Variants in COLGALT2 observed in about 807,000 individuals in gnomAD.
COLGALT2 encodes procollagen galactosyltransferase 2.
Under a neutral mutation model 73.4 loss-of-function variants are expected in COLGALT2, and 49 were observed. The observed-to-expected ratio is 0.67, with a 90% CI of 0.53 to 0.85. The LOEUF is 0.85. COLGALT2 is among the 40% of genes least tolerant of loss of function. COLGALT2 has a pLI of 0.00. For synonymous variants in COLGALT2, 295 were observed against 307.6 expected, an observed-to-expected ratio of 0.96 and a Z score of 0.43; for missense variants, 722 against 790.2, an observed-to-expected ratio of 0.91 and a Z score of 1.03.
At position 183,938,158 on chromosome 1, in the gene COLGALT2, G is replaced by T; in HGVS notation, c.*603C>A. The T allele has an allele frequency of 1.0e-6, 1 of 985,430 alleles. No individual in the cohort carries two copies. Among genetic ancestry groups the T allele is most frequent in the Non-Finnish European group, 1.2e-6 (1 of 830,454 alleles). The allele number at this position is 985,430 out of a possible 1,614,324, so 61.0% of individuals were successfully genotyped here. A position where few individuals can be genotyped will look rare whatever the true frequency, so the allele number is the denominator to read the frequency against. Reference sequence around the variant, plus strand: ...ATGGTCACAGGCCAAGTCTCAGTCGGACCCAAATACCCACCCCTACTGGAT... The same window carrying T: ...ATGGTCACAGGCCAAGTCTCAGTCGTACCCAAATACCCACCCCTACTGGAT... On this transcript the variant is annotated 3_prime_UTR_variant, in exon 12 of 12. Transcript: ENST00000361927.
At position 184,026,001 on chromosome 1, in the gene COLGALT2, T is replaced by G. The variant is rs569946952; in HGVS notation, c.263+11094A>C. Among the ~76,000 whole-genome samples, 17 of 152,330 alleles carry G rather than the reference T, an allele frequency of 1.1e-4. No homozygotes were observed. In the South Asian group the frequency reaches 3.5e-3, roughly 32 times the overall value. ...TGGGAAGTTTTCAAAATACGTCAAT[T>G]GCCCTGGATCATCAAATGATTCCAA... On this transcript the variant is annotated intron_variant, in intron 1 of 11. Transcript: ENST00000361927.
In COLGALT2 at chr1:184,037,526, G is replaced by A; in HGVS notation, c.-169C>T. ...CTGGCCTCGGCGGCTGCGGTTCCCA[G>A]GACCCTCCCGCCGCCGCTGCACCGC... On this transcript the variant is annotated 5_prime_UTR_variant, in exon 1 of 12. Coordinates refer to ENST00000361927, the MANE Select transcript of COLGALT2 (RefSeq NM_015101.4). 1 of 1,144,246 alleles carries A rather than the reference G, an allele frequency of 8.7e-7. No individual in the cohort carries two copies. The highest frequency in any genetic ancestry group is 1.6e-5 in the African/African-American group (1 of 61,358). The allele number at this position is 1,144,246 out of a possible 1,614,324, so 70.9% of individuals were successfully genotyped here.
In COLGALT2 at chr1:183,937,379, T is replaced by C; in HGVS notation, c.*1382A>G. Reference sequence around the variant, plus strand: ...TATACTAGGATGACAGATTGTGGAGTGGGAAGAAATCGTGTAGTCCAACTC... The same window carrying C: ...TATACTAGGATGACAGATTGTGGAGCGGGAAGAAATCGTGTAGTCCAACTC... On this transcript the variant is annotated 3_prime_UTR_variant, in exon 12 of 12. Transcript: ENST00000361927. 4.0e-6 allele frequency: 4 copies of C among 1,000,566 alleles called. No individual in the cohort carries two copies. Among genetic ancestry groups the C allele is most frequent in the Non-Finnish European group, 4.8e-6 (4 of 840,366 alleles). The allele number at this position is 1,000,566 out of a possible 1,614,324, so 62.0% of individuals were successfully genotyped here.
intron 1 of COLGALT2, among the ~76,000 whole-genome samples, chr1:184,004,248 G>T (rs1426228649): frequency 6.6e-6 from 1 of 152,088 alleles, no homozygotes; most frequent in Non-Finnish European, 1.5e-5. Context: ...CCTAACCATG[G>T]CAAGGTGCAA....
chr1:184,008,241 C>T (rs984789378), intron 1 of COLGALT2, among the ~76,000 whole-genome samples: 3 of 151,836 alleles, frequency 2.0e-5, no homozygotes, highest in African/African-American at 4.8e-5. Flanking sequence ...AAATGACAGG[C>T]CTGTATTTTT....
chr1:183,960,336 A>T (rs1466580735), intron 6 of COLGALT2, among the ~76,000 whole-genome samples: 1 of 151,698 alleles, frequency 6.6e-6, no homozygotes, highest in East Asian at 1.9e-4. Flanking sequence ...TCACCATACC[A>T]CTCTTCTTGT....
intron 1 of COLGALT2, among the ~76,000 whole-genome samples, chr1:184,004,871 C>G (rs528776890): frequency 6.6e-6 from 1 of 152,274 alleles, no homozygotes; most frequent in Non-Finnish European, 1.5e-5. Flanking sequence ...ACAGAGAGAT[C>G]CTTCCCTCGA....
intron 4 of COLGALT2, among the ~76,000 whole-genome samples, chr1:183,970,552 G>A (rs1457296915): frequency 2.0e-5 from 3 of 152,164 alleles, no homozygotes; most frequent in Admixed American, 2.0e-4. Context: ...TCCTAGCTGA[G>A]CTAACCCTAA....
chr1:183,950,596 G>A (rs1416422415), intron 8 of COLGALT2, among the ~76,000 whole-genome samples: 3 of 152,036 alleles, frequency 2.0e-5, no homozygotes, highest in Non-Finnish European at 4.4e-5. Context: ...CATGCAACAG[G>A]AAATGTACAC....
intron 5 of COLGALT2, among the ~76,000 whole-genome samples, chr1:183,965,881 G>T (rs1347295250): frequency 6.6e-6 from 1 of 152,208 alleles, no homozygotes; most frequent in Non-Finnish European, 1.5e-5. Flanking sequence ...CCATCAATCT[G>T]TTTGAAATTA....
chr1:183,939,857 C>T (rs1339905741), intron 11 of COLGALT2, among the ~76,000 whole-genome samples: 2 of 152,192 alleles, frequency 1.3e-5, no homozygotes, highest in Non-Finnish European at 2.9e-5. Context: ...GATTTAGGAG[C>T]TGCTGTTATG....
chr1:184,001,710 C>G (rs1003953730), intron 1 of COLGALT2, among the ~76,000 whole-genome samples: 3 of 152,168 alleles, frequency 2.0e-5, no homozygotes, highest in Non-Finnish European at 4.4e-5. Flanking sequence ...TCGTGTCACA[C>G]CAAGTTAATT....
chr1:183,968,483 G>A (rs773974607), intron 5 of COLGALT2, among the ~76,000 whole-genome samples: 1 of 152,124 alleles, frequency 6.6e-6, no homozygotes, highest in Non-Finnish European at 1.5e-5. Context: ...CCTTCCACAG[G>A]GACTGAGGCT....
downstream of COLGALT2, among the ~76,000 whole-genome samples, chr1:183,933,624 C>CAG (rs10562111): frequency 1.0e-3 from 156 of 150,756 alleles, no homozygotes; most frequent in East Asian, 4.9e-3. Flanking sequence ...CATCTAAGAA[C>CAG]AGAGAGAGAG....
chr1:183,945,613 C>T, intron 8 of COLGALT2, 49 bp from the exon 9 acceptor site: 1 of 1,605,464 alleles, frequency 6.2e-7, no homozygotes, highest in Admixed American at 1.7e-5. Flanking sequence ...AAGGTCCCCA[C>T]CACAAAGGCC....
At position 183,936,254 on chromosome 1, in the gene COLGALT2, G is replaced by A; in HGVS notation, c.*2507C>T. On this transcript the variant is annotated 3_prime_UTR_variant, in exon 12 of 12. Coordinates refer to ENST00000361927, the MANE Select transcript of COLGALT2 (RefSeq NM_015101.4). ...AATGTCTTGGCTTAGGACTATAAGG[G>A]AGAGATAGGACAAATAATGAGGTCA... 2 of 985,696 alleles carry A rather than the reference G, an allele frequency of 2.0e-6. No homozygotes were observed. Among genetic ancestry groups the A allele is most frequent in the Non-Finnish European group, 2.4e-6 (2 of 829,956 alleles). 61.1% of individuals were successfully genotyped at this position (985,696 alleles called of 1,614,324 possible).
At chr1:184,035,215 T>C (rs964553906) in intron 1 of COLGALT2, among the ~76,000 whole-genome samples, 1 of 152,216 alleles carries the variant, frequency 6.6e-6, no homozygotes, top group African/African-American at 2.4e-5. Flanking sequence ...ATCCTAATTA[T>C]ATTGCAAAAT....
chr1:183,935,328 G>A, downstream of COLGALT2, among the ~76,000 whole-genome samples: 1 of 152,180 alleles, frequency 6.6e-6, no homozygotes, highest in East Asian at 1.9e-4. Context: ...CTACTTCTCT[G>A]AGCATCTCAG....
chr1:183,968,259 G>C (rs1156936164), intron 5 of COLGALT2, among the ~76,000 whole-genome samples: 1 of 152,226 alleles, frequency 6.6e-6, no homozygotes, highest in Non-Finnish European at 1.5e-5. Context: ...TGTCAGGAAA[G>C]TCTGAATTAT....
Sources: allele counts gnomAD v4.1 joint callset (sites outside exome capture counted in the v4.1 genomes callset), GRCh38; gene constraint gnomAD v4.1.1; transcripts MANE v1.5; gene names NCBI Gene and HGNC (gene_info 2026-07-23, HGNC 2026-07-21).